The following HVCN1 variants were observed in gnomAD, a reference collection of about 807,000 sequenced individuals.
HVCN1 encodes the protein hydrogen voltage gated channel 1.
A neutral mutation model predicts 29.2 loss-of-function variants in HVCN1; 14 were observed. That is an observed-to-expected ratio of 0.48 (90% CI 0.32 to 0.75). The LOEUF (loss-of-function observed/expected upper bound fraction) is 0.75. HVCN1 is among the 30% of genes least tolerant of loss of function. The probability of loss-of-function intolerance (pLI) is 0.04; values close to 1 mark genes in which losing one functional copy is unlikely to be tolerated. For synonymous variants in HVCN1, 131 were observed against 133.2 expected, an observed-to-expected ratio of 0.98 and a Z score of 0.11; for missense variants, 263 against 341.8, an observed-to-expected ratio of 0.77 and a Z score of 1.82.
chr12:110,660,109 G>A (rs2068118817), intron 4 of HVCN1, among the ~76,000 whole-genome samples: 1 of 151,752 alleles, frequency 6.6e-6, no homozygotes, highest in Admixed American at 6.6e-5. Context: ...GGGCACGGTG[G>A]CTAATACCTG....
intron 3 of HVCN1, among the ~76,000 whole-genome samples, chr12:110,672,562 T>G (rs1367108134): frequency 6.6e-6 from 1 of 152,152 alleles, no homozygotes; most frequent in African/African-American, 2.4e-5. Flanking sequence ...ACTGGGTTGG[T>G]GAGTGAAACT....
intron 5 of HVCN1, among the ~76,000 whole-genome samples, chr12:110,654,010 C>T (rs748469839): frequency 6.6e-6 from 1 of 152,056 alleles, no homozygotes; most frequent in Non-Finnish European, 1.5e-5. Context: ...CAGACGGAAG[C>T]GTGTGTGCGT....
intron 3 of HVCN1, among the ~76,000 whole-genome samples, chr12:110,667,493 G>A (rs564585429): frequency 1.3e-5 from 2 of 152,150 alleles, no homozygotes; most frequent in South Asian, 2.1e-4. Flanking sequence ...TGTAGTGTGC[G>A]ATCACGGTTC....
At chr12:110,671,760 A>G (rs1183580345) in intron 3 of HVCN1, among the ~76,000 whole-genome samples, 1 of 152,240 alleles carries the variant, frequency 6.6e-6, no homozygotes, top group Non-Finnish European at 1.5e-5. Flanking sequence ...AGCCAACAAC[A>G]GCGACAGCGG....
At chr12:110,694,429 C>T (rs2069458755), upstream of HVCN1, among the ~76,000 whole-genome samples, 1 of 152,240 alleles carries the variant, frequency 6.6e-6, no homozygotes, top group Non-Finnish European at 1.5e-5. This position sits in a 1 kb window ranked among gnomAD's most constrained non-coding sequence, Gnocchi z 4.6. Flanking sequence ...GGCTCCAGGA[C>T]AGCTGGGGCC....
intron 1 of HVCN1, among the ~76,000 whole-genome samples, chr12:110,704,655 C>A (rs938625557): frequency 6.6e-6 from 1 of 152,130 alleles, no homozygotes; most frequent in Non-Finnish European, 1.5e-5. Flanking sequence ...GAGACCCTGC[C>A]TCTAAAAAGA....
At chr12:110,659,413 G>A (rs2068091297) in intron 4 of HVCN1, among the ~76,000 whole-genome samples, 2 of 152,176 alleles carry the variant, frequency 1.3e-5, no homozygotes, top group African/African-American at 2.4e-5. Context: ...GAAGAGGGAC[G>A]GGTCTATTTT....
Position 110,676,285 on chromosome 12 carries a change from C to T in HVCN1, c.21+6940G>A, listed in dbSNP as rs1255475055. ...CTGTCGCAGCTCCTCTCTGCTCTCT[C>T]CTTCCCTGCTGCATTCTCCATCAGC... On this transcript the variant is annotated intron_variant, in intron 3 of 7. Transcript: ENST00000242607. The surrounding 1 kb of genome is among the most constrained non-coding windows in gnomAD (Gnocchi z 4.1). Among the ~76,000 whole-genome samples the T allele has an allele frequency of 3.3e-5, 5 of 152,224 alleles. No homozygotes were observed. The highest frequency in any genetic ancestry group is 7.3e-5 in the Non-Finnish European group (5 of 68,040).
chr12:110,670,244 G>T (rs1487434623), intron 3 of HVCN1, among the ~76,000 whole-genome samples: 9 of 152,174 alleles, frequency 5.9e-5, no homozygotes, highest in Non-Finnish European at 5.9e-5. Flanking sequence ...GCCGCCATCT[G>T]TGGGAGGGGG....
At chr12:110,660,724 A>C (rs1414963863) in intron 4 of HVCN1, among the ~76,000 whole-genome samples, 1 of 152,190 alleles carries the variant, frequency 6.6e-6, no homozygotes, top group Non-Finnish European at 1.5e-5. Flanking sequence ...GCAGCCGCCA[A>C]TCTGCTTCCT....
intron 3 of HVCN1, among the ~76,000 whole-genome samples, chr12:110,678,077 C>A (rs1477952086): frequency 6.6e-6 from 1 of 152,244 alleles, no homozygotes; most frequent in African/African-American, 2.4e-5. Flanking sequence ...CATACTGTAA[C>A]AAGCCCATGA....
chr12:110,681,630 G>A (rs1263648637), intron 3 of HVCN1, among the ~76,000 whole-genome samples: 1 of 152,102 alleles, frequency 6.6e-6, no homozygotes, highest in East Asian at 1.9e-4. Context: ...ACAGTTACCA[G>A]GGTCATCAAT....
At chr12:110,687,730 A>G (rs959326310) in intron 2 of HVCN1, among the ~76,000 whole-genome samples, 2 of 152,116 alleles carry the variant, frequency 1.3e-5, no homozygotes, top group Non-Finnish European at 2.9e-5. Flanking sequence ...ACTGTGGGGA[A>G]GGGACGAGGA....
chr12:110,669,291 C>A (rs1384931168), intron 3 of HVCN1, among the ~76,000 whole-genome samples: 1 of 152,094 alleles, frequency 6.6e-6, no homozygotes. Flanking sequence ...GTCCCCTCTC[C>A]CTCACCAGAA....
intron 2 of HVCN1, chr12:110,688,365 C>T (rs996296836): frequency 6.6e-5 from 10 of 152,226 alleles, no homozygotes; most frequent in Admixed American, 1.3e-4. Flanking sequence ...ACTGCTCTCC[C>T]CTCTCTGTCT....
At position 110,683,208 on chromosome 12, in the gene HVCN1, ACCACAGAAT is replaced by A; in HGVS notation, c.21+8_21+16del. ...CTGGGATATCCTCTAATGCTGCAAG[ACCACAGAAT>A]CCATTACCTTTTCGTCCCAGGTGGC... On this transcript the variant is annotated splice_region_variant and intron_variant, in intron 3 of 7. Transcript: ENST00000242607. The A allele has an allele frequency of 6.2e-7, 1 of 1,613,766 alleles. No homozygotes were observed. The highest frequency in any genetic ancestry group is 2.2e-5 in the East Asian group (1 of 44,866).
rs763898292 is a variant in HVCN1, at chr12:110,649,427, G to A, written c.805C>T (p.Leu269Phe). ...LNKLLRQHGL[L>F]GEVN ...GTCCGGGTCTAGTTCACTTCACCAA[G>A]AAGTCCATGCTGTCGCAATAGTTTG... Residue 269 changes from leucine (L) to phenylalanine (F), a missense_variant, in exon 8 of 8, where the codon CTT (leucine) becomes TTT (phenylalanine). By Grantham distance (22) the Leu-to-Phe change is conservative. This residue lies in a region of HVCN1 where 51 missense variants were observed against 51.1 expected (regional missense o/e 1.00). Transcript: ENST00000242607. 1 of 1,609,174 alleles carries A rather than the reference G, an allele frequency of 6.2e-7. No homozygotes were observed. Among genetic ancestry groups the A allele is most frequent in the African/African-American group, 1.3e-5 (1 of 74,954 alleles).
intron 5 of HVCN1, among the ~76,000 whole-genome samples, chr12:110,653,433 TG>T (rs533922074): frequency 6.6e-6 from 1 of 152,040 alleles, no homozygotes; most frequent in Non-Finnish European, 1.5e-5. Context: ...CACTCCAGCC[TG>T]GGTGACAGGG....
At chr12:110,684,651 A>G (rs1466282429) in intron 2 of HVCN1, among the ~76,000 whole-genome samples, 1 of 152,246 alleles carries the variant, frequency 6.6e-6, no homozygotes, top group South Asian at 2.1e-4. Flanking sequence ...TTGGAAGAAA[A>G]GGGAGTGATC....
Sources: allele counts gnomAD v4.1 joint callset (sites outside exome capture counted in the v4.1 genomes callset), GRCh38; gene constraint gnomAD v4.1.1; regional missense constraint gnomAD v4.1.1; non-coding constraint Gnocchi (gnomAD v3.1); transcripts MANE v1.5; gene names NCBI Gene and HGNC (gene_info 2026-07-23, HGNC 2026-07-21).